Variants in TENM3 observed in about 807,000 individuals in gnomAD.
TENM3 encodes teneurin-3.
TENM3 carries 63 observed loss-of-function variants against 255.1 expected under a neutral mutation model. That is an observed-to-expected ratio of 0.25 (90% CI 0.20 to 0.30). The LOEUF (loss-of-function observed/expected upper bound fraction) is 0.30, where lower values mean the gene tolerates loss of function less well. Ranked by LOEUF, TENM3 falls within the 10% of genes least tolerant of loss-of-function variation. The pLI is 1.00. For synonymous variants in TENM3, 1,306 were observed against 1,322.3 expected, an observed-to-expected ratio of 0.99 and a Z score of 0.27; for missense variants, 2,929 against 3,461.1, an observed-to-expected ratio of 0.85 and a Z score of 3.86.
chr4:182,571,242 T>C (rs191161812), intron 3 of TENM3, among the ~76,000 whole-genome samples: 1 of 152,118 alleles, frequency 6.6e-6, no homozygotes, highest in Admixed American at 6.5e-5. Flanking sequence ...AACTATACCT[T>C]AGGCCAGGCA....
chr4:182,480,542 C>T (rs1378421820), intron 3 of TENM3, among the ~76,000 whole-genome samples: 2 of 151,442 alleles, frequency 1.3e-5, no homozygotes, highest in South Asian at 2.1e-4. Context: ...AATATATTAA[C>T]ACATTTGCTT....
the TENM3 span, among the ~76,000 whole-genome samples, chr4:181,560,055 A>G: frequency 6.6e-5 from 10 of 152,224 alleles, no homozygotes; most frequent in African/African-American, 9.6e-5. Context: ...TGTTTAGGCT[A>G]CTGTAACAGA....
At chr4:182,430,982 A>C (rs1163446974) in intron 3 of TENM3, among the ~76,000 whole-genome samples, 1 of 152,030 alleles carries the variant, frequency 6.6e-6, no homozygotes, top group Non-Finnish European at 1.5e-5. Flanking sequence ...ATTGCACTCC[A>C]GCCTGGGTGA....
At chr4:182,318,650 G>A (rs902317928) in intron 1 of TENM3, among the ~76,000 whole-genome samples, 5 of 152,194 alleles carry the variant, frequency 3.3e-5, no homozygotes, top group African/African-American at 1.2e-4. Context: ...CCCAGCTGTG[G>A]TTTCCAGAGG....
rs143460849 is a variant in TENM3 at position 182,150,824 on chromosome 4, A to G, written c.-76+6070A>G. Among the ~76,000 whole-genome samples the G allele has an allele frequency of 5.0e-3, 766 of 152,214 alleles. 9 individuals carry two copies. Among genetic ancestry groups the G allele is most frequent in the African/African-American group, 0.017 (719 of 41,536 alleles). ...ACTTAGAAAGGATTAACAGCTTGGT[A>G]GTGACTGTCTTCCTTCAGTCCGATT... is the stretch of plus-strand genomic sequence containing the variant. On this transcript the variant is annotated intron_variant, in intron 1 of 2. Transcript: ENST00000512480.
chr4:182,221,931 T>TA (rs1361719608), intron 1 of TENM3, among the ~76,000 whole-genome samples: 4 of 152,008 alleles, frequency 2.6e-5, no homozygotes, highest in East Asian at 1.9e-4. Context: ...GTGGAGAGTT[T>TA]AAAAAAAAGC....
At chr4:181,759,309 A>T in the TENM3 span, among the ~76,000 whole-genome samples, 1 of 152,122 alleles carries the variant, frequency 6.6e-6, no homozygotes, top group East Asian at 1.9e-4. Flanking sequence ...CAATAGAGGG[A>T]CAAAGACTTT....
the TENM3 span, among the ~76,000 whole-genome samples, chr4:182,100,840 C>CATATA: frequency 6.2e-3 from 42 of 6,812 alleles, 14 homozygotes; most frequent in African/African-American, 0.013. Context: ...TATATATATA[C>CATATA]TCATATATAT....
chr4:182,639,151 A>G (rs545965710), intron 5 of TENM3, among the ~76,000 whole-genome samples: 1 of 152,322 alleles, frequency 6.6e-6, no homozygotes, highest in South Asian at 2.1e-4. Flanking sequence ...TATCACAGTG[A>G]TCTCACACTC....
the TENM3 span, among the ~76,000 whole-genome samples, chr4:181,725,601 G>C: frequency 1.3e-5 from 2 of 151,654 alleles, no homozygotes; most frequent in Admixed American, 6.6e-5. Flanking sequence ...ACCACACCCA[G>C]CTATTTTTTT....
intron 1 of TENM3, among the ~76,000 whole-genome samples, chr4:182,217,015 T>C (rs960434571): frequency 2.5e-4 from 13 of 51,614 alleles, no homozygotes; most frequent in Admixed American, 1.2e-3. Flanking sequence ...CTTTCTTTTT[T>C]TTTTTTTTTT....
At chr4:182,243,227 G>C (rs961100624), upstream of TENM3, among the ~76,000 whole-genome samples, 1 of 152,180 alleles carries the variant, frequency 6.6e-6, no homozygotes, top group Non-Finnish European at 1.5e-5. Context: ...CAATTCCCCT[G>C]CCTCAGCCTC....
chr4:182,234,317 T>A (rs549756702), intron 1 of TENM3, among the ~76,000 whole-genome samples: 2 of 152,304 alleles, frequency 1.3e-5, no homozygotes, highest in African/African-American at 4.8e-5. Flanking sequence ...ATCACGGTGC[T>A]ACCTCCTGCC....
At chr4:182,397,398 T>TA (rs144177808) in intron 3 of TENM3, among the ~76,000 whole-genome samples, 3,999 of 48,948 alleles carry the variant, frequency 0.082, 447 homozygotes, top group Non-Finnish European at 0.12. Flanking sequence ...AGACTCCATC[T>TA]AAAAAAAAAA....
At chr4:181,622,761 G>A in the TENM3 span, among the ~76,000 whole-genome samples, 7 of 152,112 alleles carry the variant, frequency 4.6e-5, no homozygotes, top group Admixed American at 3.3e-4. Flanking sequence ...GAGATAATGG[G>A]CATATAAATT....
chr4:182,667,535 G>A (rs979978532), intron 6 of TENM3, among the ~76,000 whole-genome samples: 7 of 152,042 alleles, frequency 4.6e-5, no homozygotes, highest in East Asian at 3.9e-4. Context: ...TTTTCAGTTC[G>A]AATAAATTAA....
chr4:182,160,403 T>A (rs1186365150), intron 1 of TENM3, among the ~76,000 whole-genome samples: 1 of 152,216 alleles, frequency 6.6e-6, no homozygotes, highest in African/African-American at 2.4e-5. Flanking sequence ...GATTTAGAGA[T>A]TCCAGAAAAA....
At chr4:181,584,106 T>A in the TENM3 span, among the ~76,000 whole-genome samples, 1 of 152,182 alleles carries the variant, frequency 6.6e-6, no homozygotes, top group Non-Finnish European at 1.5e-5. Flanking sequence ...ACTGACATAT[T>A]CATAGTCACT....
chr4:181,850,649 G>A, the TENM3 span, among the ~76,000 whole-genome samples: 4 of 151,814 alleles, frequency 2.6e-5, no homozygotes, highest in African/African-American at 9.7e-5. Flanking sequence ...TTCTCCTTAC[G>A]TGTTTTTTTA....
Sources: gnomAD v4.1 joint callset for allele counts (sites outside exome capture counted in the v4.1 genomes callset) on GRCh38, gnomAD v4.1.1 for gene constraint, MANE v1.5 for transcripts, NCBI Gene and HGNC (gene_info 2026-07-23, HGNC 2026-07-21) for gene names.